Variants in HEATR5A observed in about 807,000 individuals in gnomAD.
The protein encoded by HEATR5A is HEAT repeat containing 5A, also known as HEAT repeat-containing protein 5A.
Under a neutral mutation model 218.8 loss-of-function variants are expected in HEATR5A, and 178 were observed. That is an observed-to-expected ratio of 0.81 (90% CI 0.72 to 0.92). The LOEUF is 0.92. Ranked by LOEUF, HEATR5A falls within the 40% of genes least tolerant of loss-of-function variation. The pLI is 0.00. For synonymous variants in HEATR5A, 864 were observed against 871.6 expected, an observed-to-expected ratio of 0.99 and a Z score of 0.15; for missense variants, 2,420 against 2,418.9, an observed-to-expected ratio of 1.00 and a Z score of -0.01.
At chr14:31,340,694 C>T (rs114912269) in intron 21 of HEATR5A, among the ~76,000 whole-genome samples, 1,537 of 152,232 alleles carry the variant, frequency 0.01, 19 homozygotes, top group African/African-American at 0.035. Context: ...AACTCTAAGA[C>T]GTAAATATAT....
chr14:31,344,468 C>T (rs1359914404), intron 20 of HEATR5A, among the ~76,000 whole-genome samples: 5 of 141,138 alleles, frequency 3.5e-5, no homozygotes, highest in African/African-American at 7.8e-5. Context: ...TTAGCAGAGA[C>T]GGGGTTTCAC....
chr14:31,315,260 C>A (rs947758807), intron 27 of HEATR5A, among the ~76,000 whole-genome samples: 1 of 152,144 alleles, frequency 6.6e-6, no homozygotes, highest in Non-Finnish European at 1.5e-5. Context: ...ATTATAAATA[C>A]TATTAGGTCT....
rs1467244532 is a variant in HEATR5A at position 31,364,295 on chromosome 14, A to G, written c.1965T>C (p.Leu655=). 6.7e-7 allele frequency: 1 copy of G among 1,487,184 alleles called. No individual in the cohort carries two copies. The highest frequency in any genetic ancestry group is 9.1e-7 in the Non-Finnish European group (1 of 1,096,498). The allele number at this position is 1,487,184 out of a possible 1,614,324, so 92.1% of individuals were successfully genotyped here. A position where few individuals can be genotyped will look rare whatever the true frequency, so the allele number is the denominator to read the frequency against. Residue 655 remains leucine (L), a synonymous_variant, in exon 14 of 36, where the codon CTT becomes CTC. Coordinates refer to ENST00000543095, the MANE Select transcript of HEATR5A (RefSeq NM_015473.4). ...TTCCATACATTTTTAGTATTGAAGA[A>G]AGCCTTAAAATAAAAGAAAAAGTGT... The part of the protein sequence containing the change: ...LPCAVDLLTQ[L]SSILKMYGSP...
chr14:31,346,510 T>C (rs1316242275), intron 19 of HEATR5A, among the ~76,000 whole-genome samples: 2 of 152,094 alleles, frequency 1.3e-5, no homozygotes, highest in African/African-American at 4.8e-5. Flanking sequence ...GAATATCAAA[T>C]AGGCATGTAA....
chr14:31,323,152 A>C (rs143379859), intron 24 of HEATR5A, among the ~76,000 whole-genome samples: 2 of 152,310 alleles, frequency 1.3e-5, no homozygotes, highest in African/African-American at 4.8e-5. Flanking sequence ...AATGCATTGC[A>C]CCTGCTCATT....
At chr14:31,321,427 C>A (rs1900103745) in intron 25 of HEATR5A, 72 bp downstream of exon 25, 3 of 1,195,454 alleles carry the variant, frequency 2.5e-6, no homozygotes, top group South Asian at 3.5e-5. Flanking sequence ...CAGGCATGAG[C>A]CACCATGCCT....
chr14:31,378,602 A>G (rs1343029624), intron 11 of HEATR5A, among the ~76,000 whole-genome samples: 3 of 152,098 alleles, frequency 2.0e-5, no homozygotes, highest in East Asian at 1.9e-4. Flanking sequence ...CCTGGCTAAC[A>G]TGGTGAAACC....
chr14:31,366,018 G>A lies in HEATR5A; in HGVS notation c.1962-1720C>T, dbSNP rs570586219. Reference sequence around the variant, plus strand: ...GCTATTTCTAGTCTCTAGAAGAAAGGAGAGTTATCTATTGACTTATCACTG... The same window carrying A: ...GCTATTTCTAGTCTCTAGAAGAAAGAAGAGTTATCTATTGACTTATCACTG... On this transcript the variant is annotated intron_variant, in intron 13 of 35. Coordinates refer to ENST00000543095, the MANE Select transcript of HEATR5A (RefSeq NM_015473.4). 1.8e-4 allele frequency among the ~76,000 whole-genome samples: 28 copies of A among 152,270 alleles called. No homozygotes were observed. The South Asian group carries it at 4.1e-3, about 23-fold the overall frequency.
intron 32 of HEATR5A, chr14:31,302,726 T>G (rs8017643): frequency 0.028 from 14,370 of 507,198 alleles, 1,311 homozygotes; most frequent in African/African-American, 0.22. Context: ...AACTGGAGAT[T>G]ACGTTTAAAT....
In HEATR5A at chr14:31,364,468, G is replaced by A. The variant is rs754340358; in HGVS notation, c.1962-170C>T. ...AGGGTCCAGCTCTGTAGCCCAGACC[G>A]GGATGCAGTGGCATGATCTTGGCTC... On this transcript the variant is annotated intron_variant, in intron 13 of 35. Coordinates refer to ENST00000543095, the MANE Select transcript of HEATR5A (RefSeq NM_015473.4). Among the ~76,000 whole-genome samples the A allele has an allele frequency of 3.3e-5, 5 of 152,288 alleles. No individual in the cohort carries two copies. In the East Asian group the frequency reaches 5.8e-4, roughly 18 times the overall value.
chr14:31,304,373 A>G (rs1483486773), intron 32 of HEATR5A, among the ~76,000 whole-genome samples: 5 of 152,218 alleles, frequency 3.3e-5, no homozygotes, highest in Non-Finnish European at 5.9e-5. Context: ...AGTACTGTCA[A>G]TCATAGAAGA....
intron 33 of HEATR5A, among the ~76,000 whole-genome samples, chr14:31,299,746 C>G (rs1192640981): frequency 6.8e-6 from 1 of 148,106 alleles, no homozygotes; most frequent in Non-Finnish European, 1.5e-5. Flanking sequence ...CAAAAAAACC[C>G]TTTCGGCCGG....
chr14:31,412,088 T>C (rs7151099), intron 1 of HEATR5A, among the ~76,000 whole-genome samples: 140,877 of 151,996 alleles, frequency 0.93, 65,875 homozygotes, highest in Non-Finnish European at 1. Context: ...ACTCCTGGCC[T>C]CAAGTGATCT....
At chr14:31,294,460 A>G (rs1595068660) in intron 34 of HEATR5A, among the ~76,000 whole-genome samples, 1 of 144,916 alleles carries the variant, frequency 6.9e-6, no homozygotes, top group Non-Finnish European at 1.5e-5. Context: ...CCCAGGCTGG[A>G]GTGCAGTGGT....
intron 4 of HEATR5A, among the ~76,000 whole-genome samples, chr14:31,397,525 G>A (rs1186893718): frequency 1.3e-5 from 2 of 152,032 alleles, no homozygotes; most frequent in Admixed American, 1.3e-4. Context: ...TAGGCGTGGT[G>A]GCACGCGCCT....
intron 25 of HEATR5A, chr14:31,320,600 G>T: frequency 1.3e-6 from 1 of 758,278 alleles, no homozygotes; most frequent in Non-Finnish European, 2.3e-6. Flanking sequence ...GCAGATCAGA[G>T]CTGGAGAAAT....
intron 30 of HEATR5A, among the ~76,000 whole-genome samples, chr14:31,307,201 A>G (rs1244082972): frequency 6.6e-6 from 1 of 152,220 alleles, no homozygotes; most frequent in Non-Finnish European, 1.5e-5. Flanking sequence ...TTAGTATTAA[A>G]CACTTAAATA....
chr14:31,327,380 G>A (rs1252583074), intron 22 of HEATR5A, among the ~76,000 whole-genome samples: 2 of 133,404 alleles, frequency 1.5e-5, no homozygotes, highest in Non-Finnish European at 3.1e-5. Flanking sequence ...TGCAACCTCC[G>A]CCTCCTGAGT....
chr14:31,294,175 CT>C, intron 34 of HEATR5A, 71 bp from the exon 35 acceptor site: 1 of 1,000,100 alleles, frequency 1.0e-6, no homozygotes, highest in Non-Finnish European at 1.5e-6. Context: ...GGACTCTTTG[CT>C]TTTTAAAGTA....
Sources: allele counts gnomAD v4.1 joint callset (sites outside exome capture counted in the v4.1 genomes callset), GRCh38; gene constraint gnomAD v4.1.1; transcripts MANE v1.5; gene names NCBI Gene and HGNC (gene_info 2026-07-23, HGNC 2026-07-21).